Variants in MYO3B observed in about 807,000 individuals in gnomAD.
The protein encoded by MYO3B is myosin-IIIb.
MYO3B carries 156 observed loss-of-function variants against 174.6 expected under a neutral mutation model. The ratio of observed to expected loss-of-function variants is 0.89; its 90% CI spans 0.78 to 1.02. The LOEUF is 1.02. MYO3B is among the 50% of genes least tolerant of loss of function. MYO3B has a pLI of 0.00. For synonymous variants in MYO3B, 563 were observed against 569.1 expected, an observed-to-expected ratio of 0.99 and a Z score of 0.15; for missense variants, 1,632 against 1,639.4, an observed-to-expected ratio of 1.00 and a Z score of 0.08.
At chr2:170,390,238 G>A (rs1466366227) in intron 14 of MYO3B, among the ~76,000 whole-genome samples, 2 of 152,176 alleles carry the variant, frequency 1.3e-5, no homozygotes, top group African/African-American at 4.8e-5. Context: ...AGACCAGCCT[G>A]TGCAACATAG....
chr2:170,610,132 C>T (rs1305138639), intron 32 of MYO3B, among the ~76,000 whole-genome samples: 6 of 152,170 alleles, frequency 3.9e-5, no homozygotes, highest in African/African-American at 1.4e-4. Flanking sequence ...GTCAGGAGAT[C>T]AAGACCATCC....
intron 8 of MYO3B, among the ~76,000 whole-genome samples, chr2:170,366,218 AG>A (rs1299125136): frequency 2.0e-5 from 3 of 152,164 alleles, no homozygotes; most frequent in Non-Finnish European, 2.9e-5. Flanking sequence ...TGAAGTTAAT[AG>A]GGGTTTATCA....
intron 32 of MYO3B, among the ~76,000 whole-genome samples, chr2:170,602,595 C>T (rs1694582825): frequency 6.6e-6 from 1 of 152,158 alleles, no homozygotes; most frequent in Non-Finnish European, 1.5e-5. Context: ...CTGCTGTTCC[C>T]ATTCCAGCCA....
chr2:170,243,089 A>G (rs1161321753), intron 7 of MYO3B, among the ~76,000 whole-genome samples: 1 of 152,222 alleles, frequency 6.6e-6, no homozygotes, highest in African/African-American at 2.4e-5. Flanking sequence ...TTGAAGGAAA[A>G]TATAGTATAG....
intron 6 of MYO3B, among the ~76,000 whole-genome samples, chr2:170,231,236 G>C (rs2093012696): frequency 6.6e-6 from 1 of 152,198 alleles, no homozygotes. Context: ...CTGGATCTGT[G>C]AACTCCTTAG....
chr2:170,228,380 C>T (rs781032409), intron 6 of MYO3B, among the ~76,000 whole-genome samples: 1 of 152,150 alleles, frequency 6.6e-6, no homozygotes, highest in Non-Finnish European at 1.5e-5. Flanking sequence ...CTTTCATTGT[C>T]CATCTCTGTA....
intron 22 of MYO3B, among the ~76,000 whole-genome samples, chr2:170,438,605 T>G (rs1223404691): frequency 2.0e-5 from 3 of 152,142 alleles, no homozygotes; most frequent in African/African-American, 7.2e-5. Context: ...TCTGTTTCTT[T>G]GATGATGACC....
chr2:170,327,760 C>T (rs1199118799), intron 7 of MYO3B, among the ~76,000 whole-genome samples: 2 of 151,704 alleles, frequency 1.3e-5, no homozygotes, highest in East Asian at 3.9e-4. Flanking sequence ...CATTGTGATA[C>T]TGATTTCTGT....
intron 1 of MYO3B, among the ~76,000 whole-genome samples, chr2:170,187,234 T>C (rs1036041180): frequency 1.3e-5 from 2 of 152,044 alleles, no homozygotes; most frequent in East Asian, 3.8e-4. Context: ...TAGTTCTTTT[T>C]TTTGTTTTGT....
intron 1 of MYO3B, among the ~76,000 whole-genome samples, chr2:170,183,370 T>C (rs950527478): frequency 1.2e-4 from 18 of 152,238 alleles, no homozygotes; most frequent in Non-Finnish European, 1.3e-4. Context: ...TGGTCTCTTT[T>C]CATTTAATCC....
At chr2:170,341,563 T>C (rs1376417393) in intron 8 of MYO3B, 1 of 152,236 alleles carries the variant, frequency 6.6e-6, no homozygotes, top group African/African-American at 2.4e-5. Context: ...TTAGCTATTA[T>C]GATTTCTTGA....
At chr2:170,544,663 T>C (rs1219118467) in intron 32 of MYO3B, among the ~76,000 whole-genome samples, 1 of 152,228 alleles carries the variant, frequency 6.6e-6, no homozygotes, top group African/African-American at 2.4e-5. Context: ...CTCAGATCTC[T>C]TCAATTTTCT....
Position 170,214,638 on chromosome 2 carries a change from CT to C in MYO3B, c.427-87del, listed in dbSNP as rs1394684882. 4 of 1,359,196 alleles carry C rather than the reference CT, an allele frequency of 2.9e-6. No homozygotes were observed. In the Admixed American group the frequency reaches 5.3e-5, roughly 18 times the overall value. The allele number at this position is 1,359,196 out of a possible 1,614,324, so 84.2% of individuals were successfully genotyped here. On this transcript the variant is annotated intron_variant, in intron 4 of 34. Transcript: ENST00000408978. ...TAGCCAAATGTAGACTTTCATGAGA[CT>C]TTTCAATAGTAGGGTAATTGCTTTA...
intron 32 of MYO3B, among the ~76,000 whole-genome samples, chr2:170,584,939 T>A (rs1054105552): frequency 6.6e-6 from 1 of 152,246 alleles, no homozygotes; most frequent in African/African-American, 2.4e-5. Flanking sequence ...TTTCCACCTT[T>A]GTGTTATCAG....
intron 7 of MYO3B, among the ~76,000 whole-genome samples, chr2:170,257,646 G>A (rs116683811): frequency 6.6e-6 from 1 of 151,928 alleles, no homozygotes; most frequent in South Asian, 2.1e-4. Flanking sequence ...GAAAAATCTC[G>A]AATTAACAAT....
At chr2:170,587,675 G>T (rs1015814555) in intron 32 of MYO3B, among the ~76,000 whole-genome samples, 1 of 152,194 alleles carries the variant, frequency 6.6e-6, no homozygotes, top group African/African-American at 2.4e-5. Flanking sequence ...AATCACAGAA[G>T]CACATTCTTC....
chr2:170,536,052 A>G (rs1411572167), intron 30 of MYO3B, among the ~76,000 whole-genome samples: 1 of 152,228 alleles, frequency 6.6e-6, no homozygotes, highest in Non-Finnish European at 1.5e-5. Flanking sequence ...TTCTGCTCCT[A>G]CCTTAGACTT....
chr2:170,356,431 C>G (rs941625201), intron 8 of MYO3B, among the ~76,000 whole-genome samples: 2 of 152,256 alleles, frequency 1.3e-5, no homozygotes, highest in South Asian at 4.2e-4. Context: ...GGCATGATCT[C>G]GGCTCCCTGT....
At chr2:170,246,292 A>G (rs1335761774) in intron 7 of MYO3B, among the ~76,000 whole-genome samples, 1 of 152,210 alleles carries the variant, frequency 6.6e-6, no homozygotes, top group Non-Finnish European at 1.5e-5. Context: ...CACATTATGA[A>G]GAATGTAAAA....
Sources: gnomAD v4.1 joint callset for allele counts (sites outside exome capture counted in the v4.1 genomes callset) on GRCh38, gnomAD v4.1.1 for gene constraint, MANE v1.5 for transcripts, NCBI Gene and HGNC (gene_info 2026-07-23, HGNC 2026-07-21) for gene names.